NF1: variants seen among roughly 807,000 people sequenced by gnomAD.
The protein encoded by NF1 is neurofibromin.
Under a neutral mutation model 325.7 loss-of-function variants are expected in NF1, and 122 were observed. The observed-to-expected ratio is 0.37, with a 90% CI of 0.32 to 0.44. The LOEUF (loss-of-function observed/expected upper bound fraction) is 0.44, where lower values mean the gene tolerates loss of function less well. Among genes scored for constraint, NF1 ranks in the 20% least tolerant of loss-of-function variants. The pLI, the probability that NF1 is intolerant of heterozygous loss-of-function variation, is 1.00. For synonymous variants in NF1, 1,091 were observed against 1,186.0 expected, an observed-to-expected ratio of 0.92 and a Z score of 1.65; for missense variants, 2,140 against 3,415.4, an observed-to-expected ratio of 0.63 and a Z score of 9.31.
At chr17:31,310,332 AAAG>A (rs1467762259) in intron 36 of NF1, among the ~76,000 whole-genome samples, 4 of 152,148 alleles carry the variant, frequency 2.6e-5, no homozygotes, top group African/African-American at 9.7e-5. Flanking sequence ...AAGATACAGA[AAAG>A]AAGAAAAGTT....
In NF1 at chr17:31,279,764, G is replaced by A. The variant is rs562264314; in HGVS notation, c.4835+14425G>A. Among the ~76,000 whole-genome samples the A allele has an allele frequency of 4.6e-5, 7 of 152,150 alleles. No individual in the cohort carries two copies. The South Asian group carries it at 6.2e-4, about 14-fold the overall frequency. ...TCTTCATTTTAGAAATCTAATATAG[G>A]AAAAAGAACACATTTCTCCATAGTT... is the stretch of plus-strand genomic sequence containing the variant. On this transcript the variant is annotated intron_variant, in intron 36 of 57. Transcript: ENST00000358273.
chr17:31,228,692 G>T (rs925054233), intron 20 of NF1, among the ~76,000 whole-genome samples: 3 of 151,162 alleles, frequency 2.0e-5, no homozygotes, highest in African/African-American at 7.3e-5. Flanking sequence ...TTGTAGATTT[G>T]CCTATTCCGG....
rs33925668 is a variant in NF1, at chr17:31,336,607, T to TA, written c.6148-17dup. 0.26 allele frequency: 375,095 copies of TA among 1,430,912 alleles called. 22,083 individuals carry two copies. The highest frequency in any genetic ancestry group is 0.42 in the African/African-American group (28,484 of 67,894). The allele number at this position is 1,430,912 out of a possible 1,614,324, so 88.6% of individuals were successfully genotyped here. The stretch of plus-strand genomic sequence containing the variant: ...ACTTTGAGTCCCATGTTTTTTTTTT[T>TA]AAAAAAAAAAATCCTGCTTCTTTAC... On this transcript the variant is annotated intron_variant, in intron 41 of 57. Transcript: ENST00000358273. This position sits in a 1 kb window ranked among gnomAD's most constrained non-coding sequence, Gnocchi z 5.5.
In NF1 at chr17:31,227,623, G is replaced by C. The variant is rs373870002; in HGVS notation, c.2409+17G>C. 16 of 1,607,832 alleles carry C rather than the reference G, an allele frequency of 1.0e-5. No homozygotes were observed. The South Asian group carries it at 1.8e-4, about 18-fold the overall frequency. On this transcript the variant is annotated intron_variant, in intron 20 of 57. Transcript: ENST00000358273. ...GATGGCCAGGTAAGTCTGTAAAGTTGACTTTTGTCTGTTAACTGATCTGCT... is the reference window on the plus strand; with the variant it reads ...GATGGCCAGGTAAGTCTGTAAAGTTCACTTTTGTCTGTTAACTGATCTGCT...
intron 1 of NF1, among the ~76,000 whole-genome samples, chr17:31,132,409 A>G (rs1180076502): frequency 6.6e-6 from 1 of 152,012 alleles, no homozygotes; most frequent in Non-Finnish European, 1.5e-5. Flanking sequence ...GTGTGGTGGC[A>G]GACGCCTGTA....
Position 31,377,106 on chromosome 17 carries a change from A to C in NF1, c.*2951A>C, listed in dbSNP as rs1429358125. 1 of 233,522 alleles carries C rather than the reference A, an allele frequency of 4.3e-6. No individual in the cohort carries two copies. The highest frequency in any genetic ancestry group is 8.5e-6 in the Non-Finnish European group (1 of 118,040). The allele number at this position is 233,522 out of a possible 1,614,324, so 14.5% of individuals were successfully genotyped here. A position where few individuals can be genotyped will look rare whatever the true frequency, so the allele number is the denominator to read the frequency against. Reference sequence around the variant, plus strand: ...CATCCTTCCCCGACTCCCAGGCATAATGAGGCATGTCTTACTCAATGTTAT... The same window carrying C: ...CATCCTTCCCCGACTCCCAGGCATACTGAGGCATGTCTTACTCAATGTTAT... On this transcript the variant is annotated 3_prime_UTR_variant, in exon 58 of 58. Transcript: ENST00000358273.
chr17:31,246,002 A>G (rs2067383704), intron 29 of NF1, among the ~76,000 whole-genome samples: 1 of 152,132 alleles, frequency 6.6e-6, no homozygotes, highest in Non-Finnish European at 1.5e-5. Flanking sequence ...GACACTCAGC[A>G]CTTCCAGAGA....
intron 54 of NF1, 176 bp from the exon 55 acceptor site, chr17:31,358,304 C>G: frequency 1.5e-6 from 1 of 653,834 alleles, no homozygotes; most frequent in Non-Finnish European, 2.6e-6. Flanking sequence ...CAGACACACA[C>G]ACATGTTCAT....
intron 13 of NF1, 145 bp from the exon 14 acceptor site, chr17:31,218,860 C>T: frequency 1.2e-6 from 1 of 814,732 alleles, no homozygotes; most frequent in Non-Finnish European, 2.0e-6. Flanking sequence ...GCGTGAACCA[C>T]CGCGTCCAGC....
intron 29 of NF1, among the ~76,000 whole-genome samples, chr17:31,240,849 A>G (rs2067284264): frequency 6.6e-6 from 1 of 152,000 alleles, no homozygotes; most frequent in South Asian, 2.1e-4. Flanking sequence ...GCACCTTTTC[A>G]TGTACCTGTT....
chr17:31,149,134 C>A (rs1334780759), intron 1 of NF1, among the ~76,000 whole-genome samples: 1 of 151,566 alleles, frequency 6.6e-6, no homozygotes, highest in African/African-American at 2.4e-5. Context: ...AAGATGTGTC[C>A]TGGAGATTAT....
At chr17:31,190,850 T>G (rs1460230792) in intron 8 of NF1, among the ~76,000 whole-genome samples, 1 of 152,226 alleles carries the variant, frequency 6.6e-6, no homozygotes, top group East Asian at 1.9e-4. Flanking sequence ...GATTAGCTGT[T>G]GTTAAATCTT....
intron 36 of NF1, among the ~76,000 whole-genome samples, chr17:31,287,815 A>G (rs1357989460): frequency 6.6e-6 from 1 of 151,580 alleles, no homozygotes; most frequent in Non-Finnish European, 1.5e-5. Flanking sequence ...CTGGGATTAC[A>G]GGCATGAGCC....
At chr17:31,364,892 G>C (rs1378138207) in intron 57 of NF1, among the ~76,000 whole-genome samples, 1 of 152,146 alleles carries the variant, frequency 6.6e-6, no homozygotes, top group Non-Finnish European at 1.5e-5. Context: ...ATCTTGAAGA[G>C]AATCCATTTA....
chr17:31,326,348 T>C, intron 37 of NF1, 96 bp downstream of exon 37: 1 of 1,227,536 alleles, frequency 8.1e-7, no homozygotes, highest in Non-Finnish European at 1.2e-6. Flanking sequence ...CCTATAGTGG[T>C]GTATAAAATG....
intron 36 of NF1, chr17:31,273,557 AC>A (rs1288669061): frequency 6.6e-6 from 1 of 152,218 alleles, no homozygotes; most frequent in East Asian, 1.9e-4. Flanking sequence ...GTAATTGAGA[AC>A]ATTTCAAATT....
At chr17:31,314,715 A>G (rs1392416934) in intron 36 of NF1, among the ~76,000 whole-genome samples, 1 of 152,192 alleles carries the variant, frequency 6.6e-6, no homozygotes, top group Non-Finnish European at 1.5e-5. Context: ...GTTTATAGAC[A>G]CTTAGGTTGC....
intron 12 of NF1, among the ~76,000 whole-genome samples, 154 bp from the exon 13 acceptor site, chr17:31,214,297 T>C (rs1266335004): frequency 1.3e-5 from 2 of 152,142 alleles, no homozygotes; most frequent in African/African-American, 4.8e-5. Context: ...ACTGACCTTA[T>C]GCTTACTATT....
chr17:31,224,342 GTTT>G (rs1343449983), intron 16 of NF1, among the ~76,000 whole-genome samples: 5 of 152,078 alleles, frequency 3.3e-5, no homozygotes, highest in Non-Finnish European at 7.4e-5. Context: ...GATTTAATGA[GTTT>G]TTATCTGGTA....
Sources: gnomAD v4.1 joint callset for allele counts (sites outside exome capture counted in the v4.1 genomes callset) on GRCh38, gnomAD v4.1.1 for gene constraint, Gnocchi (gnomAD v3.1) non-coding constraint, MANE v1.5 for transcripts, NCBI Gene and HGNC (gene_info 2026-07-23, HGNC 2026-07-21) for gene names.